The following SUZ12 variants were observed in gnomAD, a reference collection of about 807,000 sequenced individuals.
SUZ12 encodes the protein polycomb protein SUZ12.
In SUZ12, 17 loss-of-function variants were observed where a neutral mutation model predicts 87.3. The ratio of observed to expected loss-of-function variants is 0.19; its 90% CI spans 0.13 to 0.29. The LOEUF (loss-of-function observed/expected upper bound fraction) is 0.29. Ranked by LOEUF, SUZ12 falls within the 10% of genes least tolerant of loss-of-function variation. The pLI is 1.00. For synonymous variants in SUZ12, 253 were observed against 312.4 expected, an observed-to-expected ratio of 0.81 and a Z score of 2.01; for missense variants, 526 against 912.2, an observed-to-expected ratio of 0.58 and a Z score of 5.45.
chr17:31,998,777 A>G lies in SUZ12; in HGVS notation c.1994A>G (p.Asp665Gly). 6.2e-7 allele frequency: 1 copy of G among 1,612,882 alleles called. No homozygotes were observed. The highest frequency in any genetic ancestry group is 8.5e-7 in the Non-Finnish European group (1 of 1,179,334). ...ATGCTTCATCTAGTCAGCATGCATG[A>G]CTTTAATCTTATTAGCATAATGTCA... ...NFMLHLVSMH[D>G]FNLISIMSID... Residue 665 changes from aspartate (D) to glycine (G), a missense_variant, in exon 16 of 16, where the codon GAC becomes GGC. Transcript: ENST00000322652.
rs186761899 is a variant in SUZ12 at position 31,977,595 on chromosome 17, A to T, written c.917+981A>T. ...GCCTAGGCGAGACCCCATCTTTTTT[A>T]AAAAAAGAAAGAAGGCCGGGCGCAG... On this transcript the variant is annotated intron_variant, in intron 8 of 15. Transcript: ENST00000322652. Among the ~76,000 whole-genome samples the T allele has an allele frequency of 7.6e-3, 1,150 of 151,512 alleles. 12 individuals are homozygous for T. Among genetic ancestry groups the T allele is most frequent in the African/African-American group, 0.026 (1,092 of 41,388 alleles).
chr17:31,985,550 A>G (rs1392825056), intron 9 of SUZ12, among the ~76,000 whole-genome samples: 1 of 151,562 alleles, frequency 6.6e-6, no homozygotes, highest in Non-Finnish European at 1.5e-5. Flanking sequence ...ATTTATCTTT[A>G]TGATCTTTTT....
intron 5 of SUZ12, among the ~76,000 whole-genome samples, chr17:31,970,862 T>G (rs61213600): frequency 1.0e-3 from 155 of 152,276 alleles, no homozygotes; most frequent in Middle Eastern, 3.4e-3. Context: ...AAAATTTTTT[T>G]TGTGTGTTCA....
rs189036593 is a variant in SUZ12, at chr17:31,950,822, G to A, written c.455+3137G>A. 6.1e-3 allele frequency among the ~76,000 whole-genome samples: 920 copies of A among 150,514 alleles called. 7 individuals are homozygous for A. The highest frequency in any genetic ancestry group is 0.021 in the African/African-American group (868 of 40,942). ...TGAGACGGAGTCTCGCTCTGTCACC[G>A]AGGCTGGAGTGCAGTGACGCGATCT... On this transcript the variant is annotated intron_variant, in intron 4 of 15. Transcript: ENST00000322652.
At chr17:31,982,169 G>A (rs910984287) in intron 8 of SUZ12, among the ~76,000 whole-genome samples, 2 of 152,156 alleles carry the variant, frequency 1.3e-5, no homozygotes, top group Admixed American at 6.5e-5. Context: ...TCCATGAAGT[G>A]TTTATTGAGC....
chr17:31,944,835 G>T (rs1906523425), intron 3 of SUZ12, among the ~76,000 whole-genome samples: 1 of 152,058 alleles, frequency 6.6e-6, no homozygotes, highest in African/African-American at 2.4e-5. Context: ...CGTATCAAGT[G>T]AACAAGTTTA....
intron 4 of SUZ12, among the ~76,000 whole-genome samples, chr17:31,959,105 T>C (rs1170453963): frequency 1.3e-5 from 2 of 152,146 alleles, no homozygotes; most frequent in Non-Finnish European, 2.9e-5. Context: ...ATGTTTTCCC[T>C]TTCTTTTTTT....
At chr17:31,974,371 T>TA in intron 6 of SUZ12, among the ~76,000 whole-genome samples, 1 of 152,194 alleles carries the variant, frequency 6.6e-6, no homozygotes, top group African/African-American at 2.4e-5. Context: ...GCTAAAAATA[T>TA]AAAAAATTAG....
chr17:31,983,863 A>G (rs1396718436), intron 9 of SUZ12, among the ~76,000 whole-genome samples: 1 of 152,236 alleles, frequency 6.6e-6, no homozygotes, highest in Non-Finnish European at 1.5e-5. Flanking sequence ...CAGAATTTAG[A>G]TTAAGCGTAC....
Position 31,962,654 on chromosome 17 carries a change from A to G in SUZ12, c.456-3493A>G, listed in dbSNP as rs143460599. On this transcript the variant is annotated intron_variant, in intron 4 of 15. Transcript: ENST00000322652. ...GAGAGAAAATATCCTCATTTTATAG[A>G]TAACAGACCGCAGCGAGTAAGTGGC... Among the ~76,000 whole-genome samples the G allele has an allele frequency of 2.8e-4, 42 of 152,382 alleles. No homozygotes were observed. The East Asian group carries it at 6.7e-3, about 24-fold the overall frequency.
At chr17:31,938,286 C>T (rs1313161022) in intron 1 of SUZ12, among the ~76,000 whole-genome samples, 3 of 152,294 alleles carry the variant, frequency 2.0e-5, no homozygotes, top group Non-Finnish European at 4.4e-5. Flanking sequence ...CCTGATTGTT[C>T]TTTAAGGAAT....
chr17:31,992,216 C>T (rs1909755565), intron 10 of SUZ12, among the ~76,000 whole-genome samples: 1 of 151,966 alleles, frequency 6.6e-6, no homozygotes, highest in Non-Finnish European at 1.5e-5. Context: ...TGCTTGAACC[C>T]AGGAGGTGGA....
intron 4 of SUZ12, among the ~76,000 whole-genome samples, chr17:31,950,757 A>C (rs1906919316): frequency 6.6e-6 from 1 of 152,164 alleles, no homozygotes; most frequent in Non-Finnish European, 1.5e-5. Context: ...TAAATCGTAC[A>C]CAAAAGTATC....
Position 31,970,032 on chromosome 17 carries a change from C to T in SUZ12, c.506-3114C>T, listed in dbSNP as rs538485356. On this transcript the variant is annotated intron_variant, in intron 5 of 15. Coordinates refer to ENST00000322652, the MANE Select transcript of SUZ12 (RefSeq NM_015355.4). ...TCCCGGGCTCAAGCGATCCTCTCAC[C>T]TCAGCCTCCCAAAGGGCTAGGATTA... Among the ~76,000 whole-genome samples the T allele has an allele frequency of 4.3e-3, 649 of 152,288 alleles. 1 individual carries two copies. The highest frequency in any genetic ancestry group is 7.2e-3 in the Non-Finnish European group (487 of 68,036).
At chr17:31,957,165 C>G (rs1420155733) in intron 4 of SUZ12, among the ~76,000 whole-genome samples, 5 of 151,922 alleles carry the variant, frequency 3.3e-5, no homozygotes, top group South Asian at 2.1e-4. Context: ...TCACTGCAGT[C>G]TCAACCTCCT....
rs15654 is a variant in SUZ12, at chr17:31,999,341, A to C, written c.*338A>C. ...AATCAGAATTTTTTTGCATTTATGA[A>C]CGGCTGTTTTTCTACTTTGTAATTG... On this transcript the variant is annotated 3_prime_UTR_variant, in exon 16 of 16. Transcript: ENST00000322652. 0.11 allele frequency: 26,468 copies of C among 236,870 alleles called. 1,827 individuals carry two copies. The highest frequency in any genetic ancestry group is 0.19 in the Middle Eastern group (148 of 798). The allele number at this position is 236,870 out of a possible 1,614,324, so 14.7% of individuals were successfully genotyped here. A position where few individuals can be genotyped will look rare whatever the true frequency, so the allele number is the denominator to read the frequency against.
intron 4 of SUZ12, among the ~76,000 whole-genome samples, chr17:31,950,898 A>C (rs1278574266): frequency 6.6e-6 from 1 of 151,606 alleles, no homozygotes; most frequent in Admixed American, 6.6e-5. Context: ...CTCCTGCCTC[A>C]GCCTCCCGAG....
At chr17:31,991,682 G>T (rs905568739) in intron 10 of SUZ12, among the ~76,000 whole-genome samples, 1 of 151,930 alleles carries the variant, frequency 6.6e-6, no homozygotes, top group Non-Finnish European at 1.5e-5. Flanking sequence ...TCAGCTCACT[G>T]CACCCTCTGC....
chr17:31,964,047 G>A (rs1221567476), intron 4 of SUZ12: 1 of 147,458 alleles, frequency 6.8e-6, no homozygotes, highest in Non-Finnish European at 1.5e-5. Flanking sequence ...GTTTTTTTGA[G>A]GCGGAGTCTT....
Sources: gnomAD v4.1 joint callset for allele counts (sites outside exome capture counted in the v4.1 genomes callset) on GRCh38, gnomAD v4.1.1 for gene constraint, MANE v1.5 for transcripts, NCBI Gene and HGNC (gene_info 2026-07-23, HGNC 2026-07-21) for gene names.